Variants in SCFD2 observed in about 807,000 individuals in gnomAD.
SCFD2 encodes sec1 family domain-containing protein 2.
SCFD2 carries 54 observed loss-of-function variants against 58.9 expected under a neutral mutation model. The ratio of observed to expected loss-of-function variants is 0.92; its 90% CI spans 0.74 to 1.15. The LOEUF is 1.15. Among genes scored for constraint, SCFD2 ranks in the 50% most tolerant of loss-of-function variants. The probability of loss-of-function intolerance (pLI) is 0.00; values close to 1 mark genes in which losing one functional copy is unlikely to be tolerated. For synonymous variants in SCFD2, 321 were observed against 335.9 expected, an observed-to-expected ratio of 0.96 and a Z score of 0.49; for missense variants, 805 against 836.6, an observed-to-expected ratio of 0.96 and a Z score of 0.47.
At chr4:53,294,376 G>C (rs1028849720) in intron 3 of SCFD2, among the ~76,000 whole-genome samples, 4 of 152,162 alleles carry the variant, frequency 2.6e-5, no homozygotes, top group African/African-American at 4.8e-5. Context: ...GTTTTGATTT[G>C]CATTTCTCTG....
intron 4 of SCFD2, among the ~76,000 whole-genome samples, chr4:53,153,799 A>AT (rs1289559041): frequency 2.6e-5 from 4 of 152,102 alleles, no homozygotes; most frequent in Non-Finnish European, 4.4e-5. Context: ...TTTTGCTCCT[A>AT]TATCTGGTCA....
At chr4:52,892,839 G>A (rs1188476270) in intron 7 of SCFD2, among the ~76,000 whole-genome samples, 1 of 152,136 alleles carries the variant, frequency 6.6e-6, no homozygotes, top group Non-Finnish European at 1.5e-5. Context: ...ACAATGACTA[G>A]CATACAAAAG....
intron 4 of SCFD2, among the ~76,000 whole-genome samples, chr4:53,245,118 G>T (rs543596116): frequency 2.0e-5 from 3 of 151,826 alleles, no homozygotes; most frequent in African/African-American, 7.2e-5. Context: ...GTAACAAATA[G>T]CCTACCAACC....
At chr4:53,272,050 AACAGAC>A (rs1731185812) in intron 4 of SCFD2, among the ~76,000 whole-genome samples, 1 of 152,222 alleles carries the variant, frequency 6.6e-6, no homozygotes, top group African/African-American at 2.4e-5. Context: ...AAAGGATATG[AACAGAC>A]ACTTCTCAAA....
intron 8 of SCFD2, among the ~76,000 whole-genome samples, chr4:52,879,266 C>A (rs1002106048): frequency 6.6e-6 from 1 of 152,194 alleles, no homozygotes; most frequent in Non-Finnish European, 1.5e-5. Context: ...CACCAGAATA[C>A]CTTCCACAAA....
intron 5 of SCFD2, among the ~76,000 whole-genome samples, chr4:53,064,969 T>C (rs1421762029): frequency 2.0e-5 from 3 of 152,308 alleles, no homozygotes; most frequent in Non-Finnish European, 2.9e-5. Flanking sequence ...GGGACATCTA[T>C]AGTTTTTCAC....
chr4:52,967,928 G>T (rs1056267379), intron 5 of SCFD2, among the ~76,000 whole-genome samples: 1 of 152,154 alleles, frequency 6.6e-6, no homozygotes, highest in Admixed American at 6.5e-5. Flanking sequence ...TTCAGCCGGG[G>T]TCCTCTCAGT....
At chr4:52,900,135 C>T (rs1453182200) in intron 7 of SCFD2, among the ~76,000 whole-genome samples, 2 of 152,154 alleles carry the variant, frequency 1.3e-5, no homozygotes, top group East Asian at 3.9e-4. Flanking sequence ...CTTCTGCAGC[C>T]TTCCTCTCTC....
At chr4:53,068,324 C>G (rs1032365303) in intron 5 of SCFD2, among the ~76,000 whole-genome samples, 1 of 152,016 alleles carries the variant, frequency 6.6e-6, no homozygotes, top group Non-Finnish European at 1.5e-5. Context: ...AAATCTGTTC[C>G]TCTTGTTTCA....
At position 52,873,312 on chromosome 4, in the gene SCFD2, C is replaced by G. The variant is rs1482110630; in HGVS notation, c.*657G>C. 1 of 152,162 alleles carries G rather than the reference C, an allele frequency of 6.6e-6. No individual in the cohort carries two copies. Among genetic ancestry groups the G allele is most frequent in the Admixed American group, 6.5e-5 (1 of 15,280 alleles). 9.4% of individuals were successfully genotyped at this position (152,162 alleles called of 1,614,324 possible). A position where few individuals can be genotyped will look rare whatever the true frequency, so the allele number is the denominator to read the frequency against. ...TACAGATAACCCTCCAATCAACCAC[C>G]TTCCCACTACAGTTCCAAGTAGCCT... On this transcript the variant is annotated 3_prime_UTR_variant, in exon 9 of 9. Coordinates refer to ENST00000401642, the MANE Select transcript of SCFD2 (RefSeq NM_152540.4).
chr4:52,990,424 C>T (rs1006405654), intron 5 of SCFD2, among the ~76,000 whole-genome samples: 1 of 152,158 alleles, frequency 6.6e-6, no homozygotes, highest in Non-Finnish European at 1.5e-5. Flanking sequence ...AGTGAATTAT[C>T]TAATTCAGGG....
At chr4:53,305,550 A>T (rs937022879) in intron 3 of SCFD2, among the ~76,000 whole-genome samples, 3 of 152,226 alleles carry the variant, frequency 2.0e-5, no homozygotes, top group African/African-American at 7.2e-5. Flanking sequence ...AAAGATGTAA[A>T]ATAATGCCAC....
chr4:53,082,650 C>T (rs879517835), intron 5 of SCFD2, among the ~76,000 whole-genome samples: 4 of 152,054 alleles, frequency 2.6e-5, no homozygotes, highest in Admixed American at 6.6e-5. Flanking sequence ...TCTACCCTCA[C>T]ACACAGGGGT....
intron 4 of SCFD2, among the ~76,000 whole-genome samples, chr4:53,175,005 T>A (rs1727286543): frequency 6.6e-6 from 1 of 152,200 alleles, no homozygotes; most frequent in Non-Finnish European, 1.5e-5. Flanking sequence ...TACTCAGCTC[T>A]AATTTCAGTT....
chr4:53,273,165 G>T (rs1663441371), intron 4 of SCFD2, among the ~76,000 whole-genome samples: 1 of 152,150 alleles, frequency 6.6e-6, no homozygotes, highest in South Asian at 2.1e-4. Flanking sequence ...TTGAGTCTAT[G>T]TGGAAAGTTT....
chr4:53,126,543 T>C (rs1285195006), intron 5 of SCFD2, among the ~76,000 whole-genome samples: 2 of 152,216 alleles, frequency 1.3e-5, no homozygotes, highest in Non-Finnish European at 2.9e-5. Context: ...CTCCAACTCC[T>C]GGCTTTAAGT....
At chr4:53,169,146 C>A (rs533831373) in intron 4 of SCFD2, among the ~76,000 whole-genome samples, 2 of 152,106 alleles carry the variant, frequency 1.3e-5, no homozygotes, top group East Asian at 1.9e-4. Context: ...GAGGCTGAGG[C>A]GGGCAGATCA....
At position 52,979,219 on chromosome 4, in the gene SCFD2, G is replaced by T. The variant is rs1440822124; in HGVS notation, c.1562-58349C>A. ...GACTCCTAAGAGACCTCTACAGATGGGTGTGAATAATACACCAGCGGTGCA... is the reference window on the plus strand; with the variant it reads ...GACTCCTAAGAGACCTCTACAGATGTGTGTGAATAATACACCAGCGGTGCA... On this transcript the variant is annotated intron_variant, in intron 5 of 8. Coordinates refer to ENST00000401642, the MANE Select transcript of SCFD2 (RefSeq NM_152540.4). Among the ~76,000 whole-genome samples the T allele has an allele frequency of 3.3e-5, 5 of 152,006 alleles. No individual in the cohort carries two copies. The South Asian group carries it at 1.0e-3, about 32-fold the overall frequency.
chr4:53,292,546 AAAC>A (rs1433026145), intron 3 of SCFD2, among the ~76,000 whole-genome samples: 1 of 152,204 alleles, frequency 6.6e-6, no homozygotes, highest in Non-Finnish European at 1.5e-5. Context: ...AAAAGTCATG[AAAC>A]AACAGATGTT....
Sources: allele counts gnomAD v4.1 joint callset (sites outside exome capture counted in the v4.1 genomes callset), GRCh38; gene constraint gnomAD v4.1.1; transcripts MANE v1.5; gene names NCBI Gene and HGNC (gene_info 2026-07-23, HGNC 2026-07-21).